Variants in ITFG1 observed in about 807,000 individuals in gnomAD.
ITFG1 encodes T-cell immunomodulatory protein.
Under a neutral mutation model 81.8 loss-of-function variants are expected in ITFG1, and 34 were observed. The observed-to-expected ratio is 0.42, with a 90% confidence interval of 0.32 to 0.55. The LOEUF (loss-of-function observed/expected upper bound fraction) is 0.55, where lower values mean the gene tolerates loss of function less well. ITFG1 is among the 20% of genes least tolerant of loss of function. ITFG1 has a pLI of 0.17. For missense variants in ITFG1, 672 were observed against 755.4 expected (o/e 0.89, Z 1.29); for synonymous variants, 285 against 270.6 (o/e 1.05, Z -0.52).
chr16:47,306,976 C>T (rs1196485745), intron 10 of ITFG1, among the ~76,000 whole-genome samples: 2 of 151,362 alleles, frequency 1.3e-5, no homozygotes, highest in Non-Finnish European at 2.9e-5. Flanking sequence ...CGCCTCTAGT[C>T]CCAGCTACTC....
intron 14 of ITFG1, among the ~76,000 whole-genome samples, chr16:47,171,367 T>C (rs1254312466): frequency 6.6e-6 from 1 of 152,224 alleles, no homozygotes; most frequent in Non-Finnish European, 1.5e-5. Flanking sequence ...TTTTAACTTC[T>C]ATAAGGTCAG....
At chr16:47,182,758 G>A (rs889949430) in intron 14 of ITFG1, among the ~76,000 whole-genome samples, 3 of 152,210 alleles carry the variant, frequency 2.0e-5, no homozygotes, top group Admixed American at 2.0e-4. Context: ...CTTTGTAGGT[G>A]GGAGGAGCCA....
chr16:47,440,505 T>C (rs530561536), intron 5 of ITFG1, among the ~76,000 whole-genome samples: 3 of 152,246 alleles, frequency 2.0e-5, no homozygotes, highest in African/African-American at 7.2e-5. Flanking sequence ...CACATTGCAA[T>C]CAAACTAGAA....
intron 15 of ITFG1, among the ~76,000 whole-genome samples, 166 bp from the exon 16 acceptor site, chr16:47,161,998 C>G (rs1374608726): frequency 6.6e-6 from 1 of 152,156 alleles, no homozygotes; most frequent in African/African-American, 2.4e-5. Flanking sequence ...TTTGTGCCAT[C>G]TGTTGGAAAA....
intron 14 of ITFG1, among the ~76,000 whole-genome samples, chr16:47,205,103 C>T (rs565638456): frequency 3.2e-4 from 49 of 152,298 alleles, no homozygotes; most frequent in Non-Finnish European, 4.1e-4. Flanking sequence ...TCCAAATATC[C>T]GTAGAAGTTT....
At chr16:47,321,373 A>T (rs1967445801) in intron 8 of ITFG1, among the ~76,000 whole-genome samples, 1 of 152,230 alleles carries the variant, frequency 6.6e-6, no homozygotes, top group African/African-American at 2.4e-5. Flanking sequence ...ATGTAATTAC[A>T]TATAAAATGA....
chr16:47,188,090 A>C (rs1051463027), intron 14 of ITFG1, among the ~76,000 whole-genome samples: 3 of 151,014 alleles, frequency 2.0e-5, no homozygotes, highest in African/African-American at 7.3e-5. Flanking sequence ...TTAGAATGGC[A>C]ATCATTAAAA....
At chr16:47,366,984 C>G (rs1968185892) in intron 7 of ITFG1, among the ~76,000 whole-genome samples, 1 of 152,156 alleles carries the variant, frequency 6.6e-6, no homozygotes. Flanking sequence ...AGGGCTCAGT[C>G]CCTCAAATTA....
intron 5 of ITFG1, among the ~76,000 whole-genome samples, chr16:47,446,134 G>A (rs1158172323): frequency 6.6e-6 from 1 of 152,058 alleles, no homozygotes; most frequent in Non-Finnish European, 1.5e-5. Flanking sequence ...ACAACAACAA[G>A]CTTGCTTGAG....
At chr16:47,318,009 G>T (rs1967389425) in intron 8 of ITFG1, among the ~76,000 whole-genome samples, 1 of 151,992 alleles carries the variant, frequency 6.6e-6, no homozygotes, top group South Asian at 2.1e-4. Flanking sequence ...AGTATGTGGA[G>T]ATTTTAACGT....
intron 7 of ITFG1, among the ~76,000 whole-genome samples, chr16:47,374,183 T>C (rs1243187115): frequency 6.6e-6 from 1 of 152,156 alleles, no homozygotes; most frequent in Non-Finnish European, 1.5e-5. Flanking sequence ...AAAACCCCAC[T>C]GTAGGAGCAC....
chr16:47,425,010 G>A (rs776430801), intron 6 of ITFG1, among the ~76,000 whole-genome samples: 1 of 152,144 alleles, frequency 6.6e-6, no homozygotes, highest in African/African-American at 2.4e-5. Context: ...GAAGCTGTCC[G>A]CCGCCTTTTG....
At position 47,207,298 on chromosome 16, in the gene ITFG1, A is replaced by T. The variant is rs1965511059; in HGVS notation, c.1453+11570T>A. On this transcript the variant is annotated intron_variant, in intron 14 of 17. Coordinates refer to ENST00000320640, the MANE Select transcript of ITFG1 (RefSeq NM_030790.5). Reference sequence around the variant, plus strand: ...ATGGGGTTTCACCGTGTTAGCCAGGATGGTCTCGATCTCCTGACCTCGTGA... The same window carrying T: ...ATGGGGTTTCACCGTGTTAGCCAGGTTGGTCTCGATCTCCTGACCTCGTGA... Among the ~76,000 whole-genome samples the T allele has an allele frequency of 2.0e-5, 3 of 151,980 alleles. No homozygotes were observed. In the South Asian group the frequency reaches 6.2e-4, roughly 32 times the overall value.
chr16:47,393,921 CTT>C (rs939843069), intron 6 of ITFG1, among the ~76,000 whole-genome samples: 3 of 152,040 alleles, frequency 2.0e-5, no homozygotes, highest in Non-Finnish European at 4.4e-5. Flanking sequence ...TTTTAAGTCT[CTT>C]TATGTGAATT....
chr16:47,329,391 C>G (rs1967607408), intron 8 of ITFG1, among the ~76,000 whole-genome samples: 1 of 152,088 alleles, frequency 6.6e-6, no homozygotes, highest in African/African-American at 2.4e-5. Flanking sequence ...TAAAATGCTA[C>G]CAGCAGTCCA....
intron 14 of ITFG1, among the ~76,000 whole-genome samples, chr16:47,198,415 G>T (rs898279317): frequency 1.3e-5 from 2 of 152,120 alleles, no homozygotes; most frequent in African/African-American, 4.8e-5. Flanking sequence ...GGTGATGCAG[G>T]GGTAAACAAA....
intron 14 of ITFG1, among the ~76,000 whole-genome samples, chr16:47,183,691 A>G (rs1965166081): frequency 6.6e-6 from 1 of 152,214 alleles, no homozygotes; most frequent in Admixed American, 6.5e-5. Flanking sequence ...TGGGGAAAAA[A>G]CAGAGCAGAA....
chr16:47,326,100 G>T (rs1967535804), intron 8 of ITFG1, among the ~76,000 whole-genome samples: 1 of 152,120 alleles, frequency 6.6e-6, no homozygotes, highest in Admixed American at 6.5e-5. Flanking sequence ...ACCGAATCCA[G>T]CAACACATAA....
Position 47,461,020 on chromosome 16 carries a change from C to G in ITFG1, c.26G>C (p.Ser9Thr), listed in dbSNP as rs780205819. 2 of 1,546,430 alleles carry G rather than the reference C, an allele frequency of 1.3e-6. No individual in the cohort carries two copies. The highest frequency in any genetic ancestry group is 1.7e-6 in the Non-Finnish European group (2 of 1,147,428). The change falls in exon 1 of 18, where the codon AGC becomes ACC. Residue 9 changes from serine (S) to threonine (T), a missense_variant. Physicochemically the swap from Ser to Thr is moderately conservative, Grantham distance 58 (BLOSUM62 1). Coordinates refer to ENST00000320640, the MANE Select transcript of ITFG1 (RefSeq NM_030790.5). ...GAGCGGCGAGAAGAGGGCCCAGGAG[C>G]TCGGGAGCCGGCCCGCCGCCGCCAT... MAAAGRLP[S>T]SWALFSPLLA...
Sources: allele counts gnomAD v4.1 joint callset (sites outside exome capture counted in the v4.1 genomes callset), GRCh38; gene constraint gnomAD v4.1.1; transcripts MANE v1.5; gene names NCBI Gene and HGNC (gene_info 2026-07-23, HGNC 2026-07-21).